Variants in ZNF200 observed in about 807,000 individuals in gnomAD.
The protein encoded by ZNF200 is zinc finger protein 200.
In ZNF200, 35 loss-of-function variants were observed where a neutral mutation model predicts 33.6. That is an observed-to-expected ratio of 1.04 (90% CI 0.80 to 1.38). The LOEUF (loss-of-function observed/expected upper bound fraction) is 1.38. ZNF200 is among the 40% of genes most tolerant of loss of function. The pLI is 0.00. For synonymous variants in ZNF200, 209 were observed against 167.7 expected, an observed-to-expected ratio of 1.25 and a Z score of -1.90; for missense variants, 592 against 470.6, an observed-to-expected ratio of 1.26 and a Z score of -2.39.
In ZNF200 at chr16:3,235,071, G is replaced by A. The variant is rs562212274; in HGVS notation, c.-166C>T. 6 of 152,200 alleles carry A rather than the reference G, an allele frequency of 3.9e-5. No individual in the cohort carries two copies. The highest frequency in any genetic ancestry group is 1.2e-4 in the African/African-American group (5 of 41,454). The allele number at this position is 152,200 out of a possible 1,614,324, so 9.4% of individuals were successfully genotyped here. ...CGGGAGAGATAGAAAAACTAGGCGCGAGCGGTCGAGCCCTCCCCTCGCCCT... is the reference window on the plus strand; with the variant it reads ...CGGGAGAGATAGAAAAACTAGGCGCAAGCGGTCGAGCCCTCCCCTCGCCCT... On this transcript the variant is annotated 5_prime_UTR_variant, in exon 1 of 5. Transcript: ENST00000414144.
intron 1 of ZNF200, chr16:3,234,633 T>G (rs1249893964): frequency 1.3e-5 from 2 of 152,342 alleles, no homozygotes; most frequent in Non-Finnish European, 2.9e-5. Flanking sequence ...GGCCATACTG[T>G]ACCCCTCGAA....
At chr16:3,231,476 T>C (rs1489743820) in intron 4 of ZNF200, among the ~76,000 whole-genome samples, 1 of 152,148 alleles carries the variant, frequency 6.6e-6, no homozygotes, top group Non-Finnish European at 1.5e-5. Context: ...CAAAAAGCCC[T>C]GAAGGCAAAG....
At chr16:3,229,713 A>C (rs1388632889) in intron 4 of ZNF200, among the ~76,000 whole-genome samples, 1 of 152,106 alleles carries the variant, frequency 6.6e-6, no homozygotes, top group East Asian at 1.9e-4. Flanking sequence ...AAAATACAAA[A>C]AATCAGCCGG....
In ZNF200 at chr16:3,232,447, C is replaced by T. The variant is rs1336013741; in HGVS notation, c.440G>A (p.Ser147Asn). 1.9e-6 allele frequency: 3 copies of T among 1,613,934 alleles called. No homozygotes were observed. Among genetic ancestry groups the T allele is most frequent in the African/African-American group, 2.7e-5 (2 of 74,934 alleles). ...CAGTAACATCATTTCCCCGACACTG[C>T]TGTCATCTTCCTTCTCTGACGTGAG... ...QQLTSEKEDD[S>N]SVGEMMLLAV... Residue 147 changes from serine (S) to asparagine (N), a missense_variant, in exon 4 of 5, where the codon AGC becomes AAC. Coordinates refer to ENST00000414144, the MANE Select transcript of ZNF200 (RefSeq NM_198088.3).
At chr16:3,230,791 G>C (rs1296840405) in intron 4 of ZNF200, among the ~76,000 whole-genome samples, 2 of 152,118 alleles carry the variant, frequency 1.3e-5, no homozygotes, top group East Asian at 3.8e-4. Context: ...CAAATATCTG[G>C]AGGATAATCT....
At chr16:3,233,921 C>A (rs1958718593) in intron 1 of ZNF200, 85 bp from the exon 2 acceptor site, 38 of 1,088,676 alleles carry the variant, frequency 3.5e-5, no homozygotes, top group East Asian at 5.6e-5. Context: ...GGTGAGGCTA[C>A]ATGAGATCTA....
At chr16:3,230,604 C>T (rs184250804) in intron 4 of ZNF200, among the ~76,000 whole-genome samples, 161 of 152,330 alleles carry the variant, frequency 1.1e-3, no homozygotes, top group African/African-American at 3.8e-3. Flanking sequence ...CACACATTCT[C>T]TGTTTCCCTA....
chr16:3,233,380 A>G lies in ZNF200; in HGVS notation c.250+126T>C, dbSNP rs557057340. ...ACTTGAGAAGAACTTCCTCTTTCCA[A>G]CACTAGAATTGACTCCTTTTCCAAT... On this transcript the variant is annotated intron_variant, in intron 2 of 4. Coordinates refer to ENST00000414144, the MANE Select transcript of ZNF200 (RefSeq NM_198088.3). 9 of 1,325,890 alleles carry G rather than the reference A, an allele frequency of 6.8e-6. No homozygotes were observed. The Admixed American group carries it at 2.2e-4, about 32-fold the overall frequency. 82.1% of individuals were successfully genotyped at this position (1,325,890 alleles called of 1,614,324 possible). A position where few individuals can be genotyped will look rare whatever the true frequency, so the allele number is the denominator to read the frequency against.
chr16:3,222,566 TAATA>T lies in ZNF200; in HGVS notation c.*1322_*1325del, dbSNP rs1317098840. Reference sequence around the variant, plus strand: ...AAATTTTCACAGGAATATAATACTCTAATAAATAGAAAGGCATGTTTCTGGATGG... The same window carrying T: ...AAATTTTCACAGGAATATAATACTCTAATAGAAAGGCATGTTTCTGGATGG... On this transcript the variant is annotated 3_prime_UTR_variant, in exon 5 of 5. Transcript: ENST00000414144. 1 of 152,236 alleles carries T rather than the reference TAATA, an allele frequency of 6.6e-6. No individual in the cohort carries two copies. The highest frequency in any genetic ancestry group is 1.5e-5 in the Non-Finnish European group (1 of 68,040). 9.4% of individuals were successfully genotyped at this position (152,236 alleles called of 1,614,324 possible).
intron 4 of ZNF200, chr16:3,226,655 T>A (rs1958481483): frequency 6.6e-6 from 1 of 152,238 alleles, no homozygotes; most frequent in Non-Finnish European, 1.5e-5. Flanking sequence ...CTCTTCCTCT[T>A]TAACTACACT....
chr16:3,233,906 T>C (rs1958718124), intron 1 of ZNF200, 70 bp from the exon 2 acceptor site: 2 of 1,302,522 alleles, frequency 1.5e-6, no homozygotes, highest in Admixed American at 2.6e-5. Context: ...ATATGTGGCA[T>C]GGCTGGTGAG....
In ZNF200 at chr16:3,224,270, G is replaced by A. The variant is rs1165083212; in HGVS notation, c.810C>T (p.His270=). Residue 270 remains histidine, a synonymous_variant, in exon 5 of 5, where the codon CAC becomes CAT. Coordinates refer to ENST00000414144, the MANE Select transcript of ZNF200 (RefSeq NM_198088.3). ...QFNESSYLIS[H]QRTHTGEKPY... is the part of the protein sequence containing the mutation. ...GTTTTTCTCCAGTGTGGGTCCTCTG[G>A]TGGGAAATGAGGTAAGAACTTTCAT... The A allele has an allele frequency of 1.2e-6, 2 of 1,614,104 alleles. No individual in the cohort carries two copies. Among genetic ancestry groups the A allele is most frequent in the Middle Eastern group, 1.7e-4 (1 of 6,060 alleles).
chr16:3,233,531 A>C lies in ZNF200; in HGVS notation c.225T>G (p.Asp75Glu), dbSNP rs1179164308. 1.3e-5 allele frequency: 20 copies of C among 1,573,258 alleles called. No homozygotes were observed. Among genetic ancestry groups the C allele is most frequent in the Non-Finnish European group, 1.7e-5 (20 of 1,160,884 alleles). ...KVKETLVIMK[D>E]VSSSLQNRVH... ...CTCTGTTCTGAAGGCTTGAGCTCAC[A>C]TCTTTCATAATAACCAAGGTCTCCT... The change falls in exon 2 of 5, where the codon GAT (aspartate) becomes GAG (glutamate). Residue 75 changes from aspartate to glutamate, a missense_variant. Asp to Glu is a conservative substitution (Grantham distance 45). Transcript: ENST00000414144.
At position 3,232,912 on chromosome 16, in the gene ZNF200, C is replaced by T. The variant is rs770352407; in HGVS notation, c.260G>A (p.Arg87His). 22 of 1,613,480 alleles carry T rather than the reference C, an allele frequency of 1.4e-5. No individual in the cohort carries two copies. Among genetic ancestry groups the T allele is most frequent in the Admixed American group, 8.3e-5 (5 of 59,976 alleles). The change falls in exon 3 of 5, where the codon CGT becomes CAT. Residue 87 changes from arginine to histidine, a missense_variant. Transcript: ENST00000414144. ...TTTGGGCAGAAGCTTCACCAAGGGA[C>T]GAGGATGCACTGGGGAAAGAGGAAG... ...SSSLQNRVHP[R>H]PLVKLLPKGV...
At chr16:3,234,429 G>C (rs569617030) in intron 1 of ZNF200, among the ~76,000 whole-genome samples, 1 of 152,070 alleles carries the variant, frequency 6.6e-6, no homozygotes, top group African/African-American at 2.4e-5. Flanking sequence ...AGAAAGGAAA[G>C]AAGGAGGAAG....
At chr16:3,231,008 C>G (rs1280978467) in intron 4 of ZNF200, among the ~76,000 whole-genome samples, 1 of 152,178 alleles carries the variant, frequency 6.6e-6, no homozygotes, top group Non-Finnish European at 1.5e-5. Context: ...TCTTCGTAAC[C>G]TGATGAATAC....
intron 4 of ZNF200, chr16:3,226,269 G>C (rs1958468829): frequency 6.6e-6 from 1 of 151,550 alleles, no homozygotes; most frequent in Non-Finnish European, 1.5e-5. Flanking sequence ...AGCCAGGATG[G>C]TCTTGATGAT....
chr16:3,224,830 A>C, intron 4 of ZNF200: 2 of 563,712 alleles, frequency 3.5e-6, no homozygotes, highest in East Asian at 3.0e-5. Flanking sequence ...AAAGAAATAA[A>C]ATGAGTGGGA....
intron 4 of ZNF200, among the ~76,000 whole-genome samples, chr16:3,228,996 G>C (rs1596338022): frequency 6.6e-6 from 1 of 152,182 alleles, no homozygotes. Flanking sequence ...GAAAAAAAAA[G>C]GATGGTTTTG....
Sources: gnomAD v4.1 joint callset for allele counts (sites outside exome capture counted in the v4.1 genomes callset) on GRCh38, gnomAD v4.1.1 for gene constraint, MANE v1.5 for transcripts, NCBI Gene and HGNC (gene_info 2026-07-23, HGNC 2026-07-21) for gene names.